Variants in IDH3G observed in about 807,000 individuals in gnomAD.
IDH3G encodes isocitrate dehydrogenase (NAD(+)) 3 non-catalytic subunit gamma.
IDH3G carries 9 observed loss-of-function variants against 26.9 expected under a neutral mutation model. The ratio of observed to expected loss-of-function variants is 0.34; its 90% CI spans 0.20 to 0.58. The LOEUF (loss-of-function observed/expected upper bound fraction) is 0.58. Among genes scored for constraint, IDH3G ranks in the 20% least tolerant of loss-of-function variants. The probability of loss-of-function intolerance (pLI) is 0.85; values close to 1 mark genes in which losing one functional copy is unlikely to be tolerated. For missense variants in IDH3G, 250 were observed against 372.8 expected (o/e 0.67, Z 2.71); for synonymous variants, 181 against 160.0 (o/e 1.13, Z -0.99).
At chrX:153,788,678 C>T (rs149216633) in intron 5 of IDH3G, among the ~76,000 whole-genome samples, 1 of 112,994 alleles carries the variant, frequency 8.9e-6, no homozygotes, top group Admixed American at 9.3e-5. Flanking sequence ...AAGCAGAGGC[C>T]GCCTGCTGGT....
At chrX:153,794,121 G>A in intron 1 of IDH3G, 125 bp downstream of exon 1, 1 of 752,564 alleles carries the variant, frequency 1.3e-6, no homozygotes, top group East Asian at 3.7e-5. Flanking sequence ...CAACCCCGGC[G>A]CGAAGCCCTT....
chrX:153,786,898 T>C lies in IDH3G; in HGVS notation c.827A>G (p.Tyr276Cys). 3 of 1,210,654 alleles carry C rather than the reference T, an allele frequency of 2.5e-6. No homozygotes were observed. The highest frequency in any genetic ancestry group is 3.4e-6 in the Non-Finnish European group (3 of 894,830). ...QFDVMVMPNL[Y>C]GNIVNNVCAG... ...GCAGACATTGTTGACGATGTTGCCA[T>C]AGAGATTGGGCATCACCATGACATC... is the stretch of plus-strand genomic sequence containing the variant. Residue 276 changes from tyrosine (Y) to cysteine (C), a missense_variant, in exon 10 of 13, where the codon TAT becomes TGT. Physicochemically the swap from Tyr to Cys is radical, Grantham distance 194 (BLOSUM62 -2). Around this residue, in one of 2 missense-constraint regions of IDH3G, gnomAD observed 201 missense variants for 331.3 expected, o/e 0.61. Coordinates refer to ENST00000217901, the MANE Select transcript of IDH3G (RefSeq NM_004135.4).
At chrX:153,790,125 T>A in intron 4 of IDH3G, 70 bp downstream of exon 4, 1 of 900,313 alleles carries the variant, frequency 1.1e-6, no homozygotes, top group Non-Finnish European at 1.6e-6. Context: ...CTGGGCGCAA[T>A]GCCCCTCTTG....
At chrX:153,790,419 G>T in intron 3 of IDH3G, 127 bp from the exon 4 acceptor site, 1 of 872,755 alleles carries the variant, frequency 1.1e-6, no homozygotes, top group East Asian at 3.2e-5. Flanking sequence ...CCGTCACAAG[G>T]TGCCAACTTG....
rs2092095252 is a variant in IDH3G, at chrX:153,787,841, G to A, written c.522C>T (p.Tyr174=). Residue 174 remains tyrosine, a synonymous_variant, in exon 7 of 13, where the codon TAC becomes TAT. Transcript: ENST00000217901. ...LIVRENTEGE[Y]SSLEHESVAG... ...TGCACACCTCATGCTCCAGGCTGCT[G>A]TACTCGCCCTCTGTGTTCTCCCGGA... 2 of 1,208,846 alleles carry A rather than the reference G, an allele frequency of 1.7e-6. No homozygotes were observed. Among genetic ancestry groups the A allele is most frequent in the South Asian group, 1.8e-5 (1 of 56,863 alleles).
At chrX:153,790,948 C>T in intron 1 of IDH3G, 97 bp from the exon 2 acceptor site, 2 of 788,400 alleles carry the variant, frequency 2.5e-6, no homozygotes, top group South Asian at 4.3e-5. Flanking sequence ...CCAGGCAGGT[C>T]CCCTGTCTGT....
In IDH3G at chrX:153,787,808, G is replaced by C; in HGVS notation, c.540+15C>G. The C allele has an allele frequency of 8.3e-7, 1 of 1,198,282 alleles. No individual in the cohort carries two copies. Among genetic ancestry groups the C allele is most frequent in the African/African-American group, 1.7e-5 (1 of 57,604 alleles). On this transcript the variant is annotated intron_variant, in intron 7 of 12. Coordinates refer to ENST00000217901, the MANE Select transcript of IDH3G (RefSeq NM_004135.4). ...TTGACGCTGGGGGGGCTCATCTCGGGCCCCCCATGCACACCTCATGCTCCA... is the reference window on the plus strand; with the variant it reads ...TTGACGCTGGGGGGGCTCATCTCGGCCCCCCCATGCACACCTCATGCTCCA...
At chrX:153,791,041 G>A (rs1391749527) in intron 1 of IDH3G, 190 bp from the exon 2 acceptor site, 2 of 413,097 alleles carry the variant, frequency 4.8e-6, no homozygotes, top group African/African-American at 5.1e-5. Flanking sequence ...GGAGCACCTG[G>A]AAAGTAGAAG....
intron 1 of IDH3G, 95 bp from the exon 2 acceptor site, chrX:153,790,946 G>T: frequency 2.5e-6 from 2 of 810,844 alleles, no homozygotes; most frequent in Non-Finnish European, 3.7e-6. Context: ...GCCCAGGCAG[G>T]TCCCCTGTCT....
chrX:153,788,001 G>C, intron 6 of IDH3G, 46 bp from the exon 7 acceptor site: 1 of 1,209,674 alleles, frequency 8.3e-7, no homozygotes. Context: ...ACAGGTGGCT[G>C]ACTGGAGCCA....
chrX:153,790,192 T>C lies in IDH3G; in HGVS notation c.233+3A>G. The C allele has an allele frequency of 8.3e-7, 1 of 1,200,486 alleles. No homozygotes were observed. The highest frequency in any genetic ancestry group is 1.1e-6 in the Non-Finnish European group (1 of 885,023). ...ACAAGGCGGGGACCCAGGAGCTCCA[T>C]ACCTGAAGACGGACTTGACATGCAG... is the stretch of plus-strand genomic sequence containing the variant. On this transcript the variant is annotated splice_donor_region_variant and intron_variant, in intron 4 of 12. Coordinates refer to ENST00000217901, the MANE Select transcript of IDH3G (RefSeq NM_004135.4).
At chrX:153,791,520 C>A (rs2092109667) in intron 1 of IDH3G, among the ~76,000 whole-genome samples, 1 of 112,637 alleles carries the variant, frequency 8.9e-6, no homozygotes, top group Admixed American at 9.3e-5. Context: ...CGAATGTCCC[C>A]AACGCCCTGA....
intron 1 of IDH3G, among the ~76,000 whole-genome samples, chrX:153,792,064 C>T (rs2092111100): frequency 1.8e-5 from 2 of 112,289 alleles, no homozygotes; most frequent in African/African-American, 6.5e-5. Flanking sequence ...AAAGCGGCTT[C>T]GATGGACCTT....
chrX:153,789,065 C>G (rs1409377097), intron 5 of IDH3G: 1 of 336,597 alleles, frequency 3.0e-6, no homozygotes, highest in Non-Finnish European at 6.0e-6. Flanking sequence ...TGGGAGGGAA[C>G]CCATCAGGGA....
chrX:153,793,251 G>A (rs1469485175), intron 1 of IDH3G, among the ~76,000 whole-genome samples: 2 of 111,808 alleles, frequency 1.8e-5, no homozygotes, highest in African/African-American at 6.5e-5. Flanking sequence ...CAGAGCCTCT[G>A]GAAAGCCACT....
chrX:153,788,240 T>TC, intron 5 of IDH3G, 105 bp from the exon 6 acceptor site: 3 of 779,010 alleles, frequency 3.9e-6, no homozygotes, highest in Non-Finnish European at 5.7e-6. Context: ...CAAAAATGTT[T>TC]CCTGAACACT....
chrX:153,786,971 C>T, intron 9 of IDH3G, 24 bp from the exon 10 acceptor site: 1 of 1,203,765 alleles, frequency 8.3e-7, no homozygotes, highest in South Asian at 1.8e-5. Flanking sequence ...AGGGGGCTGG[C>T]TGAGGAGCAG....
intron 8 of IDH3G, 40 bp from the exon 9 acceptor site, chrX:153,787,193 G>T (rs902659010): frequency 1.9e-6 from 2 of 1,059,013 alleles, no homozygotes; most frequent in South Asian, 1.9e-5. Flanking sequence ...CTTGGCCATC[G>T]CAACAGTCAG....
At chrX:153,786,704 G>A in intron 10 of IDH3G, 97 bp downstream of exon 10, 2 of 986,747 alleles carry the variant, frequency 2.0e-6, no homozygotes, top group East Asian at 3.1e-5. Context: ...ACTAAATCAT[G>A]CATTTTGAAC....
Sources: gnomAD v4.1 joint callset for allele counts (sites outside exome capture counted in the v4.1 genomes callset) on GRCh38, gnomAD v4.1.1 for gene constraint, gnomAD v4.1.1 regional missense constraint, MANE v1.5 for transcripts, NCBI Gene and HGNC (gene_info 2026-07-23, HGNC 2026-07-21) for gene names.